Variants in UBE2E2 observed in about 807,000 individuals in gnomAD.
UBE2E2 encodes ubiquitin-conjugating enzyme E2 E2.
A neutral mutation model predicts 24.7 loss-of-function variants in UBE2E2; 6 were observed. The ratio of observed to expected loss-of-function variants is 0.24; its 90% CI spans 0.13 to 0.48. The LOEUF is 0.48. Ranked by LOEUF, UBE2E2 falls within the 20% of genes least tolerant of loss-of-function variation. UBE2E2 has a pLI of 0.99. For missense variants in UBE2E2, 169 were observed against 245.0 expected (o/e 0.69, Z 2.07); for synonymous variants, 104 against 83.6 (o/e 1.24, Z -1.33).
chr3:23,466,624 A>G (rs1315681594), intron 3 of UBE2E2, among the ~76,000 whole-genome samples: 1 of 151,876 alleles, frequency 6.6e-6, no homozygotes, highest in Non-Finnish European at 1.5e-5. Flanking sequence ...CTGGAGTGCA[A>G]CGGTGCAATC....
chr3:23,424,777 T>C (rs1188602887), intron 3 of UBE2E2, among the ~76,000 whole-genome samples: 1 of 152,158 alleles, frequency 6.6e-6, no homozygotes, highest in Non-Finnish European at 1.5e-5. Flanking sequence ...ATAGCTGAAT[T>C]TTATATAAAT....
intron 5 of UBE2E2, among the ~76,000 whole-genome samples, chr3:23,538,775 AAAC>A (rs1695322232): frequency 6.6e-6 from 1 of 152,200 alleles, no homozygotes; most frequent in Middle Eastern, 3.2e-3. Flanking sequence ...TGGTTTAAAA[AAAC>A]AAAAAATAAC....
At chr3:23,213,141 C>G (rs1338597111) in intron 2 of UBE2E2, among the ~76,000 whole-genome samples, 2 of 152,030 alleles carry the variant, frequency 1.3e-5, no homozygotes, top group Non-Finnish European at 2.9e-5. Context: ...AAAATTCCTG[C>G]TAAGAAATTA....
In UBE2E2 at chr3:23,268,210, A is replaced by G. The variant is rs866948029; in HGVS notation, c.227+50898A>G. Among the ~76,000 whole-genome samples, 382 of 149,172 alleles carry G rather than the reference A, an allele frequency of 2.6e-3. 3 individuals carry two copies. Among genetic ancestry groups the G allele is most frequent in the African/African-American group, 8.3e-3 (337 of 40,450 alleles). ...AGTGTTGGAAGTTCTGGCCAGGGCA[A>G]TTAGGCAGGAGAAGGAAATAAAGGG... On this transcript the variant is annotated intron_variant, in intron 3 of 5. Coordinates refer to ENST00000396703, the MANE Select transcript of UBE2E2 (RefSeq NM_152653.4).
intron 3 of UBE2E2, among the ~76,000 whole-genome samples, chr3:23,375,965 G>A (rs775042683): frequency 5.3e-5 from 8 of 152,154 alleles, no homozygotes; most frequent in Non-Finnish European, 1.2e-4. Context: ...TACTGGTTTT[G>A]TAAAACTGCT....
In UBE2E2 at chr3:23,583,062, G is replaced by A. The variant is rs1392593415; in HGVS notation, c.509-6672G>A. 2.6e-5 allele frequency among the ~76,000 whole-genome samples: 4 copies of A among 152,062 alleles called. No homozygotes were observed. The highest frequency in any genetic ancestry group is 4.8e-5 in the African/African-American group (2 of 41,382). ...TCTTCCAGGGTTTTCATAGTTTTAG[G>A]TTTTACATTTAAGTCTTTAATCCAT... On this transcript the variant is annotated intron_variant, in intron 5 of 5. Coordinates refer to ENST00000396703, the MANE Select transcript of UBE2E2 (RefSeq NM_152653.4). This position sits in a 1 kb window ranked among gnomAD's most constrained non-coding sequence, Gnocchi z 4.1.
At chr3:23,543,547 TA>T (rs34425323) in intron 5 of UBE2E2, among the ~76,000 whole-genome samples, 52,829 of 137,156 alleles carry the variant, frequency 0.39, 9,365 homozygotes, top group East Asian at 0.41. Flanking sequence ...AAAACACTGC[TA>T]AAAAAAAAAA....
intron 2 of UBE2E2, among the ~76,000 whole-genome samples, chr3:23,215,220 A>G (rs566637805): frequency 1.5e-3 from 225 of 152,302 alleles, no homozygotes; most frequent in African/African-American, 5.2e-3. Flanking sequence ...TTAATTTTAC[A>G]TCTTCAAAGT....
At chr3:23,231,454 C>T (rs373886567) in intron 3 of UBE2E2, among the ~76,000 whole-genome samples, 4 of 152,084 alleles carry the variant, frequency 2.6e-5, no homozygotes, top group East Asian at 1.9e-4. Flanking sequence ...AAACTCAGGA[C>T]GCTTTTAAAA....
In UBE2E2 at chr3:23,301,752, T is replaced by C. The variant is rs569733424; in HGVS notation, c.227+84440T>C. Among the ~76,000 whole-genome samples the C allele has an allele frequency of 3.9e-5, 6 of 152,082 alleles. No individual in the cohort carries two copies. In the East Asian group the frequency reaches 1.2e-3, roughly 29 times the overall value. On this transcript the variant is annotated intron_variant, in intron 3 of 5. Transcript: ENST00000396703. The stretch of plus-strand genomic sequence containing the variant: ...GTCAGGGACCCACTTGAGGAGGCAG[T>C]CTGCCTGTTCTCAGATCTCCAGCTG...
intron 3 of UBE2E2, among the ~76,000 whole-genome samples, chr3:23,441,306 C>T (rs1409292637): frequency 6.8e-6 from 1 of 147,932 alleles, no homozygotes; most frequent in Non-Finnish European, 1.5e-5. Flanking sequence ...GGGCAGATCA[C>T]GACGTCATGA....
Position 23,591,506 on chromosome 3 carries a change from T to G in UBE2E2, c.*1675T>G, listed in dbSNP as rs1268935557. ...TTTTAATAACGATTTTACCATTCAT[T>G]TTATTTAAAAACATTTCTCAGCATA... is the stretch of plus-strand genomic sequence containing the variant. On this transcript the variant is annotated 3_prime_UTR_variant, in exon 6 of 6. Coordinates refer to ENST00000396703, the MANE Select transcript of UBE2E2 (RefSeq NM_152653.4). 6.6e-6 allele frequency: 1 copy of G among 152,224 alleles called. No individual in the cohort carries two copies. Among genetic ancestry groups the G allele is most frequent in the Admixed American group, 6.5e-5 (1 of 15,284 alleles). The allele number at this position is 152,224 out of a possible 1,614,324, so 9.4% of individuals were successfully genotyped here. A position where few individuals can be genotyped will look rare whatever the true frequency, so the allele number is the denominator to read the frequency against.
intron 3 of UBE2E2, among the ~76,000 whole-genome samples, chr3:23,444,542 C>G (rs1698383527): frequency 6.6e-6 from 1 of 152,222 alleles, no homozygotes. Flanking sequence ...GTCAACCCTA[C>G]TGTCATCCTT....
chr3:23,420,437 A>G (rs750076179), intron 3 of UBE2E2, among the ~76,000 whole-genome samples: 3 of 152,222 alleles, frequency 2.0e-5, no homozygotes, highest in Non-Finnish European at 4.4e-5. Flanking sequence ...GGGCAGTTTC[A>G]TAGTTTGAAT....
chr3:23,434,107 T>A (rs1698129477), intron 3 of UBE2E2, among the ~76,000 whole-genome samples: 1 of 152,104 alleles, frequency 6.6e-6, no homozygotes, highest in African/African-American at 2.4e-5. Context: ...TAAAAGTTAA[T>A]GCTTTTGAGA....
At chr3:23,261,994 A>G (rs114472035) in intron 3 of UBE2E2, among the ~76,000 whole-genome samples, 250 of 152,330 alleles carry the variant, frequency 1.6e-3, no homozygotes, top group Non-Finnish European at 2.6e-3. Context: ...TAGACCCAGA[A>G]GTAGCATTGC....
At chr3:23,317,991 G>A (rs879676175) in intron 3 of UBE2E2, among the ~76,000 whole-genome samples, 7 of 151,864 alleles carry the variant, frequency 4.6e-5, no homozygotes, top group Non-Finnish European at 7.4e-5. Context: ...CTGTAGGGAC[G>A]ACAATCAGTG....
intron 3 of UBE2E2, among the ~76,000 whole-genome samples, chr3:23,404,805 C>A (rs1429330827): frequency 1.3e-5 from 2 of 152,174 alleles, no homozygotes; most frequent in African/African-American, 4.8e-5. Flanking sequence ...CCTATGGCAA[C>A]AGGCAGAGAG....
chr3:23,265,092 A>T (rs546952201), intron 3 of UBE2E2, among the ~76,000 whole-genome samples: 1 of 152,316 alleles, frequency 6.6e-6, no homozygotes, highest in East Asian at 1.9e-4. Context: ...TTGCAAAGGG[A>T]AGAAGGAAAG....
Sources: gnomAD v4.1 joint callset for allele counts (sites outside exome capture counted in the v4.1 genomes callset) on GRCh38, gnomAD v4.1.1 for gene constraint, Gnocchi (gnomAD v3.1) non-coding constraint, MANE v1.5 for transcripts, NCBI Gene and HGNC (gene_info 2026-07-23, HGNC 2026-07-21) for gene names.